AFF1: variants seen among roughly 807,000 people sequenced by gnomAD.
The protein encoded by AFF1 is ALF transcription elongation factor 1.
AFF1 carries 48 observed loss-of-function variants against 121.7 expected under a neutral mutation model. That is an observed-to-expected ratio of 0.39 (90% CI 0.31 to 0.50). AFF1 has a LOEUF of 0.50. Among genes scored for constraint, AFF1 ranks in the 20% least tolerant of loss-of-function variants. The probability of loss-of-function intolerance (pLI) is 0.76; values close to 1 mark genes in which losing one functional copy is unlikely to be tolerated. For missense variants in AFF1, 1,523 were observed against 1,511.7 expected (o/e 1.01, Z -0.12); for synonymous variants, 613 against 563.0 (o/e 1.09, Z -1.26).
chr4:87,006,807 G>A (rs937732457), intron 2 of AFF1, among the ~76,000 whole-genome samples: 1 of 152,204 alleles, frequency 6.6e-6, no homozygotes, highest in Non-Finnish European at 1.5e-5. Flanking sequence ...CTCGGCCGGG[G>A]ACCAGCAGGG....
chr4:86,955,596 A>G (rs1000662315), intron 2 of AFF1, among the ~76,000 whole-genome samples: 7 of 152,330 alleles, frequency 4.6e-5, no homozygotes, highest in Non-Finnish European at 1.0e-4. Context: ...AACTGAAGCC[A>G]GAGAGTAAAG....
chr4:87,039,544 G>A (rs887912053), intron 2 of AFF1, among the ~76,000 whole-genome samples: 3 of 152,198 alleles, frequency 2.0e-5, no homozygotes, highest in Admixed American at 6.5e-5. Flanking sequence ...GAGTGTTTAT[G>A]TTCTGCAGGT....
intron 2 of AFF1, among the ~76,000 whole-genome samples, chr4:87,014,856 T>G (rs1471035644): frequency 6.6e-6 from 1 of 152,182 alleles, no homozygotes; most frequent in Non-Finnish European, 1.5e-5. Context: ...TGGAAAGTGG[T>G]ATAAAATTAA....
At chr4:87,045,855 T>C (rs1344089138) in intron 2 of AFF1, among the ~76,000 whole-genome samples, 1 of 152,166 alleles carries the variant, frequency 6.6e-6, no homozygotes, top group Non-Finnish European at 1.5e-5. Context: ...ATTAATCTTG[T>C]CTCAGTTCCA....
chr4:87,040,340 T>G (rs984202179), intron 2 of AFF1, among the ~76,000 whole-genome samples: 2 of 152,216 alleles, frequency 1.3e-5, no homozygotes, highest in Non-Finnish European at 2.9e-5. Flanking sequence ...ATGACCCTGC[T>G]GGCGGAGATG....
intron 2 of AFF1, among the ~76,000 whole-genome samples, chr4:87,021,539 A>G (rs1490482158): frequency 3.9e-5 from 6 of 152,260 alleles, no homozygotes; most frequent in Non-Finnish European, 7.3e-5. Flanking sequence ...TTCTGTGGAT[A>G]GTATCCCACT....
rs1725198752 is a variant in AFF1 at position 87,099,458 on chromosome 4, G to A, written c.1283+4489G>A. On this transcript the variant is annotated intron_variant, in intron 8 of 20. Coordinates refer to ENST00000395146, the MANE Select transcript of AFF1 (RefSeq NM_001166693.3). ...AGGGTCTCATTCTGTCACCCAGGCT[G>A]GAGTGCAGTGGGGTGACCTCGGTTA... 1.3e-5 allele frequency among the ~76,000 whole-genome samples: 2 copies of A among 152,132 alleles called. 1 individual carries two copies. Among genetic ancestry groups the A allele is most frequent in the South Asian group, 4.1e-4 (2 of 4,820 alleles).
intron 2 of AFF1, among the ~76,000 whole-genome samples, chr4:86,951,682 G>T (rs748241692): frequency 2.2e-5 from 3 of 137,186 alleles, no homozygotes; most frequent in Non-Finnish European, 4.5e-5. Flanking sequence ...AAGTGCAGTG[G>T]CATGATCTTG....
At chr4:87,125,006 A>T in intron 12 of AFF1, 31 bp from the exon 13 acceptor site, 1 of 1,520,308 alleles carries the variant, frequency 6.6e-7, no homozygotes. Context: ...TATGTTGGTA[A>T]TAATTTGCTT....
chr4:86,981,514 ACC>A (rs1723756044), intron 2 of AFF1, among the ~76,000 whole-genome samples: 1 of 151,722 alleles, frequency 6.6e-6, no homozygotes, highest in Admixed American at 6.6e-5. Flanking sequence ...GATTCCAGGC[ACC>A]CACCACCATG....
At chr4:87,054,237 A>G (rs1578154273) in intron 4 of AFF1, among the ~76,000 whole-genome samples, 2 of 152,192 alleles carry the variant, frequency 1.3e-5, no homozygotes, top group African/African-American at 2.4e-5. Flanking sequence ...GGAAATGACA[A>G]CTGTTCCGGA....
At chr4:87,110,672 A>C (rs1200575997) in intron 11 of AFF1, among the ~76,000 whole-genome samples, 3 of 152,176 alleles carry the variant, frequency 2.0e-5, no homozygotes, top group African/African-American at 4.8e-5. Flanking sequence ...CCCCATAGCT[A>C]TGTAGTGTTA....
chr4:87,117,902 C>T (rs1282167895), intron 12 of AFF1, among the ~76,000 whole-genome samples: 1 of 152,186 alleles, frequency 6.6e-6, no homozygotes, highest in South Asian at 2.1e-4. Context: ...TGCCTCTGGC[C>T]CTGTGACCAG....
chr4:87,064,821 C>T (rs539548795), intron 4 of AFF1, among the ~76,000 whole-genome samples: 2 of 149,264 alleles, frequency 1.3e-5, no homozygotes, highest in African/African-American at 4.9e-5. Context: ...GCAGTAAAGT[C>T]GAGATCGCGT....
At position 87,047,250 on chromosome 4, in the gene AFF1, G is replaced by A. The variant is rs1156973081; in HGVS notation, c.715G>A (p.Gly239Ser). ...PRTQGSSKVH[G>S]SSNNSKGYCP... ...GACGCAAGGAAGCAGCAAGGTTCATGGCAGCAGCAATAACAGTAAAGGCTA... is the reference window on the plus strand; with the variant it reads ...GACGCAAGGAAGCAGCAAGGTTCATAGCAGCAGCAATAACAGTAAAGGCTA... Residue 239 changes from glycine to serine, a missense_variant, in exon 4 of 21, where the codon GGC becomes AGC. Transcript: ENST00000395146. 18 of 1,614,146 alleles carry A rather than the reference G, an allele frequency of 1.1e-5. No homozygotes were observed. Among genetic ancestry groups the A allele is most frequent in the Non-Finnish European group, 1.5e-5 (18 of 1,180,038 alleles).
At chr4:86,964,938 T>C (rs1722431088) in intron 2 of AFF1, among the ~76,000 whole-genome samples, 1 of 152,222 alleles carries the variant, frequency 6.6e-6, no homozygotes, top group African/African-American at 2.4e-5. Flanking sequence ...TTCAGCACTA[T>C]CTCTGTGTTT....
rs767271454 is a variant in AFF1 at position 86,948,526 on chromosome 4, T to C, written c.-8T>C. The C allele has an allele frequency of 2.6e-6, 4 of 1,536,858 alleles. No homozygotes were observed. Among genetic ancestry groups the C allele is most frequent in the Non-Finnish European group, 3.5e-6 (4 of 1,146,654 alleles). On this transcript the variant is annotated 5_prime_UTR_variant, in exon 2 of 21. Coordinates refer to ENST00000395146, the MANE Select transcript of AFF1 (RefSeq NM_001166693.3). ...AACAGACTAGCCACTTTGCATTGACTGGAAACAATGGCATTTACAGAAAGA... is the reference window on the plus strand; with the variant it reads ...AACAGACTAGCCACTTTGCATTGACCGGAAACAATGGCATTTACAGAAAGA...
At chr4:86,967,780 C>G (rs114080130) in intron 2 of AFF1, among the ~76,000 whole-genome samples, 105 of 152,184 alleles carry the variant, frequency 6.9e-4, no homozygotes, top group African/African-American at 2.5e-3. Context: ...GGTACAAGTT[C>G]CTTTTTGAGT....
At chr4:86,983,739 C>A (rs1723973324) in intron 2 of AFF1, among the ~76,000 whole-genome samples, 1 of 144,194 alleles carries the variant, frequency 6.9e-6, no homozygotes, top group Non-Finnish European at 1.5e-5. Flanking sequence ...AAACAAAAAA[C>A]AAATAAAATA....
Sources: gnomAD v4.1 joint callset for allele counts (sites outside exome capture counted in the v4.1 genomes callset) on GRCh38, gnomAD v4.1.1 for gene constraint, MANE v1.5 for transcripts, NCBI Gene and HGNC (gene_info 2026-07-23, HGNC 2026-07-21) for gene names.